Variants in MMEL1 observed in about 807,000 individuals in gnomAD.
The protein encoded by MMEL1 is membrane metallo-endopeptidase-like 1.
In MMEL1, 98 loss-of-function variants were observed where a neutral mutation model predicts 117.1. The observed-to-expected ratio is 0.84, with a 90% confidence interval of 0.71 to 0.99. The LOEUF (loss-of-function observed/expected upper bound fraction) is 0.99, where lower values mean the gene tolerates loss of function less well. Ranked by LOEUF, MMEL1 falls within the 50% of genes least tolerant of loss-of-function variation. MMEL1 has a pLI of 0.00. For synonymous variants in MMEL1, 390 were observed against 415.1 expected, an observed-to-expected ratio of 0.94 and a Z score of 0.74; for missense variants, 1,014 against 1,049.1, an observed-to-expected ratio of 0.97 and a Z score of 0.46.
At chr1:2,614,611 G>A (rs966135136) in intron 2 of MMEL1, among the ~76,000 whole-genome samples, 2 of 152,058 alleles carry the variant, frequency 1.3e-5, no homozygotes, top group African/African-American at 4.8e-5. Flanking sequence ...ATAGATATGA[G>A]TATCTAGATG....
intron 23 of MMEL1, chr1:2,591,314 ACT>A (rs974474972): frequency 6.7e-6 from 4 of 593,266 alleles, no homozygotes; most frequent in East Asian, 2.8e-5. Flanking sequence ...CTGCAATAAA[ACT>A]CTCCTTCACA....
intron 2 of MMEL1, among the ~76,000 whole-genome samples, chr1:2,626,869 A>C (rs6668149): frequency 0.6 from 91,165 of 152,068 alleles, 28,115 homozygotes; most frequent in Non-Finnish European, 0.68. Context: ...GAAAAAAACG[A>C]ATGAGACACA....
At chr1:2,611,541 G>C (rs1645129228) in intron 3 of MMEL1, 1 of 520,184 alleles carries the variant, frequency 1.9e-6, no homozygotes, top group Non-Finnish European at 3.4e-6. Context: ...TAGTCTGGTG[G>C]GGGTGGGGTG....
intron 2 of MMEL1, among the ~76,000 whole-genome samples, chr1:2,616,476 A>G (rs1186696997): frequency 1.3e-5 from 2 of 152,250 alleles, no homozygotes; most frequent in Non-Finnish European, 2.9e-5. Context: ...AGTCCTTGAA[A>G]AAAACAATAA....
At chr1:2,594,648 A>G (rs1211231604) in intron 17 of MMEL1, 142 bp downstream of exon 17, 4 of 888,278 alleles carry the variant, frequency 4.5e-6, no homozygotes, top group Non-Finnish European at 7.1e-6. Context: ...ACTCTGTCCA[A>G]GATAGGCCCA....
intron 11 of MMEL1, among the ~76,000 whole-genome samples, chr1:2,599,856 C>CAAAAAA (rs150372081): frequency 1.6e-5 from 2 of 126,528 alleles, no homozygotes; most frequent in African/African-American, 6.3e-5. Flanking sequence ...GACTTTGTCT[C>CAAAAAA]AAAAAAAAAA....
intron 11 of MMEL1, among the ~76,000 whole-genome samples, chr1:2,602,308 T>C (rs1644945896): frequency 6.6e-6 from 1 of 152,112 alleles, no homozygotes; most frequent in African/African-American, 2.4e-5. Flanking sequence ...ATGTGTTCAC[T>C]CTGGGGCGAT....
intron 9 of MMEL1, among the ~76,000 whole-genome samples, 175 bp from the exon 10 acceptor site, chr1:2,604,456 C>T (rs4648653): frequency 0.41 from 62,820 of 152,050 alleles, 13,960 homozygotes; most frequent in African/African-American, 0.57. Context: ...GTCTCAGACG[C>T]GTGACCTGTG....
At chr1:2,592,808 C>A (rs1298101212) in intron 20 of MMEL1, 25 bp downstream of exon 20, 1 of 1,612,800 alleles carries the variant, frequency 6.2e-7, no homozygotes, top group Non-Finnish European at 8.5e-7. Context: ...ACCCCCGCAG[C>A]CTGGGTGCTG....
rs771211787 is a variant in MMEL1, at chr1:2,591,570, G to A, written c.2227C>T (p.Pro743Ser). Residue 743 changes from proline to serine, a missense_variant, in exon 23 of 24, where the codon CCC (proline) becomes TCC (serine). By Grantham distance (74) the Pro-to-Ser change is moderately conservative (BLOSUM62 -1). Transcript: ENST00000378412. Reference protein sequence around the residue: ...IQSIKTDVHSPLKYRVLGSLQ... With the variant: ...IQSIKTDVHSSLKYRVLGSLQ... Reference sequence around the variant, plus strand: ...TGGGAGACTTGCCTGTACTTCAGGGGACTGTGGACGTCTGTCTTGATGGAT... The same window carrying A: ...TGGGAGACTTGCCTGTACTTCAGGGAACTGTGGACGTCTGTCTTGATGGAT... 1.9e-6 allele frequency: 3 copies of A among 1,613,796 alleles called. No homozygotes were observed. Among genetic ancestry groups the A allele is most frequent in the Non-Finnish European group, 2.5e-6 (3 of 1,179,870 alleles).
Position 2,609,974 on chromosome 1 carries a change from G to A in MMEL1, c.293-143C>T, listed in dbSNP as rs1379868779. 15 of 895,826 alleles carry A rather than the reference G, an allele frequency of 1.7e-5. No homozygotes were observed. The South Asian group carries it at 2.6e-4, about 16-fold the overall frequency. 55.5% of individuals were successfully genotyped at this position (895,826 alleles called of 1,614,324 possible). A position where few individuals can be genotyped will look rare whatever the true frequency, so the allele number is the denominator to read the frequency against. On this transcript the variant is annotated intron_variant, in intron 4 of 23. Transcript: ENST00000378412. The stretch of plus-strand genomic sequence containing the variant: ...CATCCAGTCGCAGCTGTGTGCCCAG[G>A]GAGAGTTAACCACCCTCTCTGAGCT...
chr1:2,594,807 T>C lies in MMEL1; in HGVS notation c.1671A>G (p.Glu557=). ...CCACTCACAGATTTGGGTCCACCTT[T>C]TCCCGAAGCTTCCTGAGGCTCCGCT... The part of the protein sequence containing the change: ...GAQRSLRKLR[E]KVDPNLWIIG... Residue 557 remains glutamate, a synonymous_variant, in exon 17 of 24, where the codon GAA becomes GAG. Transcript: ENST00000378412. 1.2e-6 allele frequency: 2 copies of C among 1,613,830 alleles called. No individual in the cohort carries two copies. The highest frequency in any genetic ancestry group is 1.7e-6 in the Non-Finnish European group (2 of 1,179,936).
intron 17 of MMEL1, among the ~76,000 whole-genome samples, 159 bp downstream of exon 17, chr1:2,594,631 A>G (rs1404664259): frequency 7.9e-5 from 12 of 152,146 alleles, no homozygotes; most frequent in African/African-American, 2.4e-4. Context: ...GCAGAGGGTG[A>G]TGGGGGACTC....
Position 2,596,586 on chromosome 1 carries a change from G to C in MMEL1, c.1376C>G (p.Ala459Gly), listed in dbSNP as rs756530819. Residue 459 changes from alanine (A) to glycine (G), a missense_variant, in exon 14 of 24, where the codon GCG (alanine) becomes GGG (glycine). Coordinates refer to ENST00000378412, the MANE Select transcript of MMEL1 (RefSeq NM_033467.4). ...NAVGSLYVREAFPGDSKSMVR... is the reference protein window; with the variant it reads ...NAVGSLYVREGFPGDSKSMVR... ...CATGCTCTTGCTGTCTCCAGGGAAC[G>C]CCTCCCTGACGTAGAGGGAGCCCAC... The C allele has an allele frequency of 6.2e-7, 1 of 1,611,868 alleles. No homozygotes were observed. The highest frequency in any genetic ancestry group is 8.5e-7 in the Non-Finnish European group (1 of 1,179,778).
chr1:2,629,203 T>C, intron 2 of MMEL1, 128 bp downstream of exon 2: 1 of 1,084,878 alleles, frequency 9.2e-7, no homozygotes, highest in Non-Finnish European at 1.3e-6. Context: ...GGGTGCCCAG[T>C]GCAGACCCAC....
chr1:2,622,175 G>A (rs1287525913), intron 2 of MMEL1, among the ~76,000 whole-genome samples: 1 of 152,170 alleles, frequency 6.6e-6, no homozygotes, highest in Non-Finnish European at 1.5e-5. Flanking sequence ...CAAACTGAGG[G>A]AGGGCCCAAT....
rs1268827087 is a variant in MMEL1, at chr1:2,606,181, G to A, written c.750+67C>T. 4.6e-6 allele frequency: 6 copies of A among 1,299,976 alleles called. No individual in the cohort carries two copies. The African/African-American group carries it at 7.2e-5, about 16-fold the overall frequency. The allele number at this position is 1,299,976 out of a possible 1,614,324, so 80.5% of individuals were successfully genotyped here. On this transcript the variant is annotated intron_variant, in intron 8 of 23. Coordinates refer to ENST00000378412, the MANE Select transcript of MMEL1 (RefSeq NM_033467.4). The stretch of plus-strand genomic sequence containing the variant: ...TGTCGGCCTGGCCCATCCTTCTGCT[G>A]TGCTGCAAGAGCCCCCAGCCAGGCT...
chr1:2,630,802 G>A (rs1638530490), intron 1 of MMEL1, among the ~76,000 whole-genome samples: 1 of 150,796 alleles, frequency 6.6e-6, no homozygotes, highest in Non-Finnish European at 1.5e-5. Flanking sequence ...GTGCACGTGT[G>A]TCCTCTCGTG....
intron 13 of MMEL1, among the ~76,000 whole-genome samples, chr1:2,597,331 A>AC (rs987894926): frequency 1.4e-5 from 2 of 147,002 alleles, no homozygotes; most frequent in African/African-American, 5.1e-5. Flanking sequence ...TCTCTGACCT[A>AC]CCCCCCCATG....
Sources: allele counts gnomAD v4.1 joint callset (sites outside exome capture counted in the v4.1 genomes callset), GRCh38; gene constraint gnomAD v4.1.1; transcripts MANE v1.5; gene names NCBI Gene and HGNC (gene_info 2026-07-23, HGNC 2026-07-21).